Variants in ESRP2 observed in about 807,000 individuals in gnomAD.
ESRP2 encodes the protein epithelial splicing regulatory protein 2.
In ESRP2, 48 loss-of-function variants were observed where a neutral mutation model predicts 78.6. The observed-to-expected ratio is 0.61, with a 90% CI of 0.48 to 0.78. ESRP2 has a LOEUF of 0.78. Ranked by LOEUF, ESRP2 falls within the 30% of genes least tolerant of loss-of-function variation. The pLI, the probability that ESRP2 is intolerant of heterozygous loss-of-function variation, is 0.00. For missense variants in ESRP2, 863 were observed against 965.9 expected, an observed-to-expected ratio of 0.89 and a Z score of 1.41; for synonymous variants, 383 against 406.7, an observed-to-expected ratio of 0.94 and a Z score of 0.70.
Position 68,235,864 on chromosome 16 carries a change from T to C in ESRP2, c.182A>G (p.Glu61Gly). The C allele has an allele frequency of 6.2e-7, 1 of 1,611,712 alleles. No individual in the cohort carries two copies. The highest frequency in any genetic ancestry group is 8.5e-7 in the Non-Finnish European group (1 of 1,179,500). ...CCACCCTACCTGGCGGCTCCGCGGC[T>C]CAACCACTTGCCAAACTAGGAGGAT... ...DLILLVWQVVEPRSRQVGTLH... is the reference protein window; with the variant it reads ...DLILLVWQVVGPRSRQVGTLH... Residue 61 changes from glutamate to glycine, a missense_variant, in exon 1 of 15, where the codon GAG becomes GGG. Coordinates refer to ENST00000473183, the MANE Select transcript of ESRP2 (RefSeq NM_024939.3). This position sits in a 1 kb window ranked among gnomAD's most constrained non-coding sequence, Gnocchi z 5.5.
At position 68,232,770 on chromosome 16, in the gene ESRP2, G is replaced by T. The variant is rs200159546; in HGVS notation, c.701C>A (p.Thr234Lys). Residue 234 changes from threonine (T) to lysine (K), a missense_variant, in exon 6 of 15, where the codon ACG becomes AAG. Transcript: ENST00000473183. This position sits in a 1 kb window ranked among gnomAD's most constrained non-coding sequence, Gnocchi z 5.2. ...CTGCTCCCACACTCACCAAGGCCCCGTCTCGTATTTCTGCTTTATCACCTC... is the reference window on the plus strand; with the variant it reads ...CTGCTCCCACACTCACCAAGGCCCCTTCTCGTATTTCTGCTTTATCACCTC... Reference protein sequence around the residue: ...KPEVIKQKYETGPCSKADVVD... With the variant: ...KPEVIKQKYEKGPCSKADVVD... 6 of 1,614,104 alleles carry T rather than the reference G, an allele frequency of 3.7e-6. No homozygotes were observed. The highest frequency in any genetic ancestry group is 1.3e-5 in the African/African-American group (1 of 74,928).
In ESRP2 at chr16:68,230,540, G is replaced by C; in HGVS notation, c.1913C>G (p.Pro638Arg). ...TAYYPSPPVS[P>R]TTVGYLTTPT... ...TGTAGTGAGGTAGCCCACAGTGGTG[G>C]GGGAGACTGGGGGGCTAGGGTGGGA... Residue 638 changes from proline to arginine, a missense_variant, in exon 14 of 15, where the codon CCC becomes CGC. By Grantham distance (103) the Pro-to-Arg change is moderately radical (BLOSUM62 -2). Coordinates refer to ENST00000473183, the MANE Select transcript of ESRP2 (RefSeq NM_024939.3). 2 of 1,571,762 alleles carry C rather than the reference G, an allele frequency of 1.3e-6. No homozygotes were observed. The highest frequency in any genetic ancestry group is 2.4e-5 in the South Asian group (2 of 84,552).
In ESRP2 at chr16:68,235,800, C is replaced by G; in HGVS notation, c.199-38G>C. On this transcript the variant is annotated intron_variant, in intron 1 of 14. Coordinates refer to ENST00000473183, the MANE Select transcript of ESRP2 (RefSeq NM_024939.3). This position sits in a 1 kb window ranked among gnomAD's most constrained non-coding sequence, Gnocchi z 5.5. The stretch of plus-strand genomic sequence containing the variant: ...GGGGAAACCGATCAGCCGCGCCCCT[C>G]GACCCCGGAAGCTCCCTGGGGACCT... The G allele has an allele frequency of 6.2e-7, 1 of 1,609,946 alleles. No homozygotes were observed. The highest frequency in any genetic ancestry group is 8.5e-7 in the Non-Finnish European group (1 of 1,178,540).
chr16:68,235,646 C>G lies in ESRP2; in HGVS notation c.315G>C (p.Lys105Asn). The G allele has an allele frequency of 6.3e-7, 1 of 1,597,654 alleles. No homozygotes were observed. The highest frequency in any genetic ancestry group is 8.5e-7 in the Non-Finnish European group (1 of 1,179,058). The change falls in exon 2 of 15, where the codon AAG becomes AAC. Residue 105 changes from lysine to asparagine, a missense_variant. Transcript: ENST00000473183. This position sits in a 1 kb window ranked among gnomAD's most constrained non-coding sequence, Gnocchi z 5.5. ...DSLARAEPLD[K>N]VLQQFSQLVN... ...CCCCGGCGCTCACCTGCTGCAGCAC[C>G]TTGTCCAGCGGCTCTGCCCGCGCCA...
rs2042095926 is a variant in ESRP2, at chr16:68,229,492, G to C, written c.*734C>G. ...GGTTCAGGGCAACTGGCTTTCCCAA[G>C]GCATACAAGAAAAGTTGGCAGAAAG... On this transcript the variant is annotated 3_prime_UTR_variant, in exon 15 of 15. Transcript: ENST00000473183. 6.6e-6 allele frequency: 1 copy of C among 152,664 alleles called. No homozygotes were observed. Among genetic ancestry groups the C allele is most frequent in the South Asian group, 2.1e-4 (1 of 4,822 alleles). 9.5% of individuals were successfully genotyped at this position (152,664 alleles called of 1,614,324 possible). A position where few individuals can be genotyped will look rare whatever the true frequency, so the allele number is the denominator to read the frequency against.
intron 5 of ESRP2, chr16:68,233,074 C>T: frequency 1.6e-6 from 1 of 615,656 alleles, no homozygotes; most frequent in South Asian, 2.0e-5. Flanking sequence ...TGGCAGGCGC[C>T]TATAATCCCA....
rs2042095697 is a variant in ESRP2 at position 68,229,454 on chromosome 16, A to T, written c.*772T>A. 1 of 152,654 alleles carries T rather than the reference A, an allele frequency of 6.6e-6. No individual in the cohort carries two copies. Among genetic ancestry groups the T allele is most frequent in the Non-Finnish European group, 1.5e-5 (1 of 68,058 alleles). 9.5% of individuals were successfully genotyped at this position (152,654 alleles called of 1,614,324 possible). On this transcript the variant is annotated 3_prime_UTR_variant, in exon 15 of 15. Coordinates refer to ENST00000473183, the MANE Select transcript of ESRP2 (RefSeq NM_024939.3). ...ATTTAATGCGTGCAAAGGACATTCCATGGTGTCTGCTGGGTTCAGGGCAAC... is the reference window on the plus strand; with the variant it reads ...ATTTAATGCGTGCAAAGGACATTCCTTGGTGTCTGCTGGGTTCAGGGCAAC...
In ESRP2 at chr16:68,232,346, C is replaced by G; in HGVS notation, c.954+25G>C. 1 of 1,614,150 alleles carries G rather than the reference C, an allele frequency of 6.2e-7. No individual in the cohort carries two copies. Among genetic ancestry groups the G allele is most frequent in the Non-Finnish European group, 8.5e-7 (1 of 1,179,992 alleles). ...TCAGGCCTGACTCAGATTGGCCCTGCTCCGCTCCCAGCCCAAAGCCCCACC... is the reference window on the plus strand; with the variant it reads ...TCAGGCCTGACTCAGATTGGCCCTGGTCCGCTCCCAGCCCAAAGCCCCACC... On this transcript the variant is annotated intron_variant, in intron 8 of 14. Coordinates refer to ENST00000473183, the MANE Select transcript of ESRP2 (RefSeq NM_024939.3). The surrounding 1 kb of genome is among the most constrained non-coding windows in gnomAD (Gnocchi z 5.2).
chr16:68,234,387 G>C (rs1309284567), intron 2 of ESRP2: 1 of 370,456 alleles, frequency 2.7e-6, no homozygotes, highest in Non-Finnish European at 4.9e-6. Context: ...GTTTGGAGTG[G>C]GGCCAGAGCA....
intron 2 of ESRP2, 50 bp from the exon 3 acceptor site, chr16:68,234,157 A>G: frequency 7.0e-7 from 1 of 1,427,088 alleles, no homozygotes; most frequent in Non-Finnish European, 9.7e-7. Context: ...ACAGCTGGGC[A>G]GGCAGGAAGT....
At chr16:68,230,339 G>A (rs376551656) in intron 14 of ESRP2, 24 bp from the exon 15 acceptor site, 1 of 1,614,180 alleles carries the variant, frequency 6.2e-7, no homozygotes, top group African/African-American at 1.3e-5. Flanking sequence ...ACAGATTTAG[G>A]GCAGAGAGCT....
Position 68,230,221 on chromosome 16 carries a change from C to G in ESRP2, c.*5G>C. ...CAGCTGGCTCTTACCTCCTGGCTTT[C>G]TCTCCTACAAACACACCCATTCCTT... On this transcript the variant is annotated 3_prime_UTR_variant, in exon 15 of 15. Coordinates refer to ENST00000473183, the MANE Select transcript of ESRP2 (RefSeq NM_024939.3). 1 of 1,614,096 alleles carries G rather than the reference C, an allele frequency of 6.2e-7. No individual in the cohort carries two copies.
rs2042093552 is a variant in ESRP2, at chr16:68,229,291, G to A, written c.*935C>T. ...ATCTGTCTGAGTGTTCCTCCGCCTGGGGTTGGTGTGGAGCCCCTCACTTTG... is the reference window on the plus strand; with the variant it reads ...ATCTGTCTGAGTGTTCCTCCGCCTGAGGTTGGTGTGGAGCCCCTCACTTTG... On this transcript the variant is annotated 3_prime_UTR_variant, in exon 15 of 15. Transcript: ENST00000473183. 1 of 152,388 alleles carries A rather than the reference G, an allele frequency of 6.6e-6. No homozygotes were observed. Among genetic ancestry groups the A allele is most frequent in the African/African-American group, 2.4e-5 (1 of 41,454 alleles). The allele number at this position is 152,388 out of a possible 1,614,324, so 9.4% of individuals were successfully genotyped here. A position where few individuals can be genotyped will look rare whatever the true frequency, so the allele number is the denominator to read the frequency against.
rs750007694 is a variant in ESRP2, at chr16:68,232,222, A to G, written c.997+24T>C. The G allele has an allele frequency of 3.7e-6, 6 of 1,613,872 alleles. No individual in the cohort carries two copies. The highest frequency in any genetic ancestry group is 4.2e-6 in the Non-Finnish European group (5 of 1,179,746). ...AAATGGATCAAGAACCAGGGGAGCC[A>G]GGCCCTGTTTGCAGTATACTCACCC... On this transcript the variant is annotated intron_variant, in intron 9 of 14. Coordinates refer to ENST00000473183, the MANE Select transcript of ESRP2 (RefSeq NM_024939.3). This position sits in a 1 kb window ranked among gnomAD's most constrained non-coding sequence, Gnocchi z 5.2.
chr16:68,233,937 G>A, intron 3 of ESRP2, 55 bp from the exon 4 acceptor site: 1 of 1,604,622 alleles, frequency 6.2e-7, no homozygotes, highest in East Asian at 2.2e-5. Context: ...GGACAAGAGG[G>A]GTTCTGGGAA....
chr16:68,236,020 G>A lies in ESRP2; in HGVS notation c.26C>T (p.Pro9Leu), dbSNP rs994902409. 8.8e-6 allele frequency: 13 copies of A among 1,476,706 alleles called. No individual in the cohort carries two copies. The highest frequency in any genetic ancestry group is 1.5e-5 in the African/African-American group (1 of 67,740). The allele number at this position is 1,476,706 out of a possible 1,614,324, so 91.5% of individuals were successfully genotyped here. A position where few individuals can be genotyped will look rare whatever the true frequency, so the allele number is the denominator to read the frequency against. Residue 9 changes from proline to leucine, a missense_variant, in exon 1 of 15, where the codon CCT becomes CTT. Physicochemically the swap from Pro to Leu is moderately conservative, Grantham distance 98. Transcript: ENST00000473183. The surrounding 1 kb of genome is among the most constrained non-coding windows in gnomAD (Gnocchi z 5.2). ...GGCCGCGGGGTCAGGGCCCGGGGGA[G>A]GGGGCGGCGGCGGCGGCGGAGTCAT... Reference protein sequence around the residue: MTPPPPPPPPPGPDPAADP... With the variant: MTPPPPPPLPPGPDPAADP...
In ESRP2 at chr16:68,232,135, C is replaced by T; in HGVS notation, c.998-32G>A. 6.2e-7 allele frequency: 1 copy of T among 1,610,058 alleles called. No individual in the cohort carries two copies. Among genetic ancestry groups the T allele is most frequent in the Non-Finnish European group, 8.5e-7 (1 of 1,177,290 alleles). On this transcript the variant is annotated intron_variant, in intron 9 of 14. Transcript: ENST00000473183. This position sits in a 1 kb window ranked among gnomAD's most constrained non-coding sequence, Gnocchi z 5.2. The stretch of plus-strand genomic sequence containing the variant: ...ATGAGAGTCGCCTGCTGACTTCACT[C>T]ATGCTCCTCCAGACACTCACCCATG...
Position 68,232,918 on chromosome 16 carries a change from GC to G in ESRP2, c.656-104del. 1.3e-6 allele frequency: 2 copies of G among 1,518,394 alleles called. No homozygotes were observed. Among genetic ancestry groups the G allele is most frequent in the South Asian group, 1.1e-5 (1 of 88,606 alleles). The allele number at this position is 1,518,394 out of a possible 1,614,324, so 94.1% of individuals were successfully genotyped here. A position where few individuals can be genotyped will look rare whatever the true frequency, so the allele number is the denominator to read the frequency against. ...ATTGAGAGAGATGAAGAAATGACAGGCCGAGCACAGTGGCTCACGCCTATAA... is the reference window on the plus strand; with the variant it reads ...ATTGAGAGAGATGAAGAAATGACAGGCGAGCACAGTGGCTCACGCCTATAA... On this transcript the variant is annotated intron_variant, in intron 5 of 14. Coordinates refer to ENST00000473183, the MANE Select transcript of ESRP2 (RefSeq NM_024939.3). The surrounding 1 kb of genome is among the most constrained non-coding windows in gnomAD (Gnocchi z 5.2).
At position 68,232,471 on chromosome 16, in the gene ESRP2, C is replaced by A; in HGVS notation, c.854G>T (p.Gly285Val). ...GGVALCLNAQ[G>V]RRNGEALIRF... Reference sequence around the variant, plus strand: ...GATGAGGGCCTCGCCATTTCTGCGGCCCTGGGCGTTGAGGCAGAGTGCTAC... The same window carrying A: ...GATGAGGGCCTCGCCATTTCTGCGGACCTGGGCGTTGAGGCAGAGTGCTAC... The change falls in exon 8 of 15, where the codon GGC (glycine) becomes GTC (valine). Residue 285 changes from glycine to valine, a missense_variant. Gly to Val is a moderately radical substitution (Grantham distance 109). Transcript: ENST00000473183. This position sits in a 1 kb window ranked among gnomAD's most constrained non-coding sequence, Gnocchi z 5.2. 6.2e-7 allele frequency: 1 copy of A among 1,614,174 alleles called. No individual in the cohort carries two copies. Among genetic ancestry groups the A allele is most frequent in the South Asian group, 1.1e-5 (1 of 91,086 alleles).
Sources: gnomAD v4.1 joint callset for allele counts on GRCh38, gnomAD v4.1.1 for gene constraint, Gnocchi (gnomAD v3.1) non-coding constraint, MANE v1.5 for transcripts, NCBI Gene and HGNC (gene_info 2026-07-23, HGNC 2026-07-21) for gene names.